Variants in CROT observed in about 807,000 individuals in gnomAD.
CROT encodes the protein peroxisomal carnitine O-octanoyltransferase.
CROT carries 84 observed loss-of-function variants against 89.2 expected under a neutral mutation model. That is an observed-to-expected ratio of 0.94 (90% confidence interval 0.79 to 1.13). The LOEUF is 1.13. CROT is among the 50% of genes most tolerant of loss of function. CROT has a pLI of 0.00. For missense variants in CROT, 711 were observed against 727.8 expected (o/e 0.98, Z 0.27); for synonymous variants, 212 against 239.5 (o/e 0.89, Z 1.06).
Position 87,376,157 on chromosome 7 carries a change from G to A in CROT, c.876+204G>A, listed in dbSNP as rs556046615. The stretch of plus-strand genomic sequence containing the variant: ...TTGCCACATTGTTTAAGTTTGTTTA[G>A]CTATATATTATACTTTGTTTAAAGA... On this transcript the variant is annotated intron_variant, in intron 9 of 17. Coordinates refer to ENST00000331536, the MANE Select transcript of CROT (RefSeq NM_021151.4). 3.9e-5 allele frequency among the ~76,000 whole-genome samples: 6 copies of A among 152,046 alleles called. No individual in the cohort carries two copies. The East Asian group carries it at 9.7e-4, about 25-fold the overall frequency.
At chr7:87,349,314 G>T (rs1162539663) in intron 3 of CROT, 131 bp downstream of exon 3, 2 of 465,112 alleles carry the variant, frequency 4.3e-6, no homozygotes, top group African/African-American at 2.0e-5. Context: ...TTGCAGGAAG[G>T]AATTCAAGGT....
intron 4 of CROT, chr7:87,359,559 T>A: frequency 7.8e-7 from 1 of 1,279,402 alleles, no homozygotes; most frequent in South Asian, 1.8e-5. Flanking sequence ...TTCACATGGC[T>A]GGAATGAGGC....
At chr7:87,385,914 C>G (rs31637) in intron 13 of CROT, among the ~76,000 whole-genome samples, 3,203 of 152,182 alleles carry the variant, frequency 0.021, 115 homozygotes, top group African/African-American at 0.072. Context: ...TTATCAAATG[C>G]TTTTCAGCAT....
intron 2 of CROT, among the ~76,000 whole-genome samples, chr7:87,347,160 G>A (rs1805710247): frequency 6.6e-6 from 1 of 152,202 alleles, no homozygotes; most frequent in Non-Finnish European, 1.5e-5. Context: ...CAAGTGATTA[G>A]ATTAGTTCCA....
intron 6 of CROT, among the ~76,000 whole-genome samples, chr7:87,364,149 T>A (rs1806366441): frequency 6.6e-6 from 1 of 152,182 alleles, no homozygotes; most frequent in African/African-American, 2.4e-5. Flanking sequence ...ATTCAAGATT[T>A]GTAGTTTTGG....
chr7:87,369,546 C>G, intron 7 of CROT, 62 bp downstream of exon 7: 1 of 1,068,644 alleles, frequency 9.4e-7, no homozygotes, highest in Non-Finnish European at 1.4e-6. Flanking sequence ...TTAAAATATA[C>G]ATGTTTAGAA....
intron 6 of CROT, among the ~76,000 whole-genome samples, chr7:87,362,722 G>A (rs1806323450): frequency 6.6e-6 from 1 of 150,680 alleles, no homozygotes; most frequent in Non-Finnish European, 1.5e-5. Flanking sequence ...ATTCTGCTGT[G>A]GTAACTGTTT....
chr7:87,350,575 A>C (rs140175786), intron 3 of CROT, among the ~76,000 whole-genome samples: 1 of 152,282 alleles, frequency 6.6e-6, no homozygotes, highest in Non-Finnish European at 1.5e-5. Context: ...ATGTATAACA[A>C]TATGTCGTAG....
At chr7:87,390,780 G>A (rs1807333837) in intron 13 of CROT, among the ~76,000 whole-genome samples, 1 of 152,140 alleles carries the variant, frequency 6.6e-6, no homozygotes, top group Non-Finnish European at 1.5e-5. Context: ...AAAGGTCAAG[G>A]ACTCTGTATT....
intron 10 of CROT, among the ~76,000 whole-genome samples, chr7:87,380,946 A>G (rs756020201): frequency 3.5e-4 from 53 of 152,234 alleles, no homozygotes; most frequent in Non-Finnish European, 6.2e-4. Flanking sequence ...TAAACTGCTC[A>G]GGCATCTTAT....
intron 2 of CROT, among the ~76,000 whole-genome samples, chr7:87,347,233 G>A (rs1254045584): frequency 6.6e-6 from 1 of 152,206 alleles, no homozygotes; most frequent in Non-Finnish European, 1.5e-5. Flanking sequence ...CAGGAGTAAT[G>A]ATCTCACCAT....
chr7:87,379,383 A>G (rs536462527), intron 10 of CROT, among the ~76,000 whole-genome samples: 14 of 152,236 alleles, frequency 9.2e-5, no homozygotes, highest in African/African-American at 3.1e-4. Context: ...GTGTTTCATT[A>G]TATGTTAAAT....
At chr7:87,390,822 C>A (rs937188602) in intron 13 of CROT, among the ~76,000 whole-genome samples, 8 of 152,186 alleles carry the variant, frequency 5.3e-5, no homozygotes, top group African/African-American at 1.9e-4. Context: ...TACCCCAAAA[C>A]GTAGTGGCTT....
intron 13 of CROT, among the ~76,000 whole-genome samples, chr7:87,388,872 AACCACCTG>A (rs1179487341): frequency 1.3e-5 from 2 of 152,200 alleles, no homozygotes; most frequent in Non-Finnish European, 2.9e-5. Context: ...TTTGCAATCT[AACCACCTG>A]ACAAAGGGCT....
intron 3 of CROT, among the ~76,000 whole-genome samples, chr7:87,353,481 A>G (rs1238495098): frequency 6.6e-6 from 1 of 152,100 alleles, no homozygotes; most frequent in African/African-American, 2.4e-5. Flanking sequence ...ATATATAATT[A>G]TCAGGGTGGA....
chr7:87,383,221 G>C (rs1009188336), intron 13 of CROT, among the ~76,000 whole-genome samples: 3 of 151,980 alleles, frequency 2.0e-5, no homozygotes, highest in Non-Finnish European at 4.4e-5. Context: ...CCATCTAACT[G>C]TACCATTATA....
intron 13 of CROT, among the ~76,000 whole-genome samples, chr7:87,389,075 A>C (rs1807274054): frequency 6.6e-6 from 1 of 152,254 alleles, no homozygotes; most frequent in Non-Finnish European, 1.5e-5. Flanking sequence ...ACAATGAGAT[A>C]CCATCTTATG....
rs372235671 is a variant in CROT at position 87,359,189 on chromosome 7, G to A, written c.116-17G>A. ...GTACTTGGTCTAAATACCTTAATAC[G>A]TATTTTTCCTTTCTAGTGAAACCAT... On this transcript the variant is annotated splice_polypyrimidine_tract_variant and intron_variant, in intron 3 of 17. Transcript: ENST00000331536. 3.9e-5 allele frequency: 59 copies of A among 1,510,948 alleles called. No individual in the cohort carries two copies. The highest frequency in any genetic ancestry group is 1.1e-4 in the African/African-American group (8 of 72,496). The allele number at this position is 1,510,948 out of a possible 1,614,324, so 93.6% of individuals were successfully genotyped here. A position where few individuals can be genotyped will look rare whatever the true frequency, so the allele number is the denominator to read the frequency against.
chr7:87,358,661 G>A (rs924709403), intron 3 of CROT, among the ~76,000 whole-genome samples: 5 of 152,096 alleles, frequency 3.3e-5, no homozygotes, highest in African/African-American at 9.7e-5. Context: ...TTAAGTGGAA[G>A]TAGATCATCA....
Sources: allele counts gnomAD v4.1 joint callset (sites outside exome capture counted in the v4.1 genomes callset), GRCh38; gene constraint gnomAD v4.1.1; transcripts MANE v1.5; gene names NCBI Gene and HGNC (gene_info 2026-07-23, HGNC 2026-07-21).